Variants in GRIK1 observed in about 807,000 individuals in gnomAD.
GRIK1 encodes the protein glutamate ionotropic receptor kainate type subunit 1.
A neutral mutation model predicts 105.7 loss-of-function variants in GRIK1; 69 were observed. The ratio of observed to expected loss-of-function variants is 0.65; its 90% CI spans 0.54 to 0.80. GRIK1 has a LOEUF of 0.80. GRIK1 is among the 30% of genes least tolerant of loss of function. The pLI is 0.00. For synonymous variants in GRIK1, 438 were observed against 431.3 expected (o/e 1.02, Z -0.19); for missense variants, 1,109 against 1,167.3 (o/e 0.95, Z 0.73).
chr21:29,776,432 T>A (rs2065945223), intron 1 of GRIK1, among the ~76,000 whole-genome samples: 1 of 152,236 alleles, frequency 6.6e-6, no homozygotes, highest in South Asian at 2.1e-4. Context: ...AAAGTTAAGA[T>A]ATACAATGAA....
At chr21:29,591,059 G>A in intron 10 of GRIK1, 53 bp downstream of exon 10, 1 of 964,874 alleles carries the variant, frequency 1.0e-6, no homozygotes, top group East Asian at 2.4e-5. Flanking sequence ...ATGCTTCGAA[G>A]TCTAAGGCAG....
intron 14 of GRIK1, among the ~76,000 whole-genome samples, chr21:29,564,972 A>G (rs932394584): frequency 6.6e-6 from 1 of 152,176 alleles, no homozygotes; most frequent in Non-Finnish European, 1.5e-5. Context: ...AAATTCAACA[A>G]CATCCACATC....
rs1381356497 is a variant in GRIK1, at chr21:29,591,109, T to A, written c.1365+3A>T. On this transcript the variant is annotated splice_donor_region_variant and intron_variant, in intron 10 of 17. Coordinates refer to ENST00000327783, the MANE Select transcript of GRIK1 (RefSeq NM_001330994.2). ...CACCCTCAATTCCATGAAGTCAACT[T>A]ACCAGAATGGTGGTGACAATGAGTG... 1 of 1,506,158 alleles carries A rather than the reference T, an allele frequency of 6.6e-7. No homozygotes were observed. The highest frequency in any genetic ancestry group is 1.4e-5 in the African/African-American group (1 of 72,894). 93.3% of individuals were successfully genotyped at this position (1,506,158 alleles called of 1,614,324 possible).
At chr21:29,754,954 A>G (rs1381447812) in intron 1 of GRIK1, among the ~76,000 whole-genome samples, 1 of 152,126 alleles carries the variant, frequency 6.6e-6, no homozygotes, top group Non-Finnish European at 1.5e-5. Flanking sequence ...CTATATATCT[A>G]AATCTATCTA....
chr21:29,866,057 A>G (rs2068791071), intron 1 of GRIK1, among the ~76,000 whole-genome samples: 1 of 151,982 alleles, frequency 6.6e-6, no homozygotes, highest in South Asian at 2.1e-4. Flanking sequence ...TCAGTACCAA[A>G]AGAGTTTTTA....
At chr21:29,751,580 G>C (rs932976466) in intron 1 of GRIK1, among the ~76,000 whole-genome samples, 3 of 152,114 alleles carry the variant, frequency 2.0e-5, no homozygotes, top group African/African-American at 7.2e-5. Flanking sequence ...TGTAGTCCTG[G>C]GCCCAGGGAG....
intron 1 of GRIK1, among the ~76,000 whole-genome samples, chr21:29,908,210 T>G (rs2070709588): frequency 6.6e-6 from 1 of 150,510 alleles, no homozygotes; most frequent in Non-Finnish European, 1.5e-5. Context: ...CAAATCTTAC[T>G]CTTATAATTT....
chr21:29,886,838 G>T (rs2069649345), intron 1 of GRIK1, among the ~76,000 whole-genome samples: 1 of 152,160 alleles, frequency 6.6e-6, no homozygotes, highest in South Asian at 2.1e-4. Context: ...GAGAAGAACT[G>T]TGAGTTATGA....
chr21:29,916,263 A>G (rs2070993179), intron 1 of GRIK1, among the ~76,000 whole-genome samples: 1 of 151,924 alleles, frequency 6.6e-6, no homozygotes, highest in South Asian at 2.1e-4. Context: ...TAAGAATGAA[A>G]TGAGATTATT....
intron 12 of GRIK1, 60 bp from the exon 13 acceptor site, chr21:29,581,603 A>C (rs2091025209): frequency 6.4e-6 from 6 of 944,420 alleles, no homozygotes; most frequent in Non-Finnish European, 1.0e-5. Context: ...ACACCAGCAA[A>C]ACCAAAACCT....
At position 29,584,110 on chromosome 21, in the gene GRIK1, A is replaced by G. The variant is rs116434814; in HGVS notation, c.1794-2567T>C. 3.9e-3 allele frequency among the ~76,000 whole-genome samples: 590 copies of G among 152,304 alleles called. 3 individuals are homozygous for G. The highest frequency in any genetic ancestry group is 0.013 in the African/African-American group (560 of 41,576). On this transcript the variant is annotated intron_variant, in intron 12 of 17. Coordinates refer to ENST00000327783, the MANE Select transcript of GRIK1 (RefSeq NM_001330994.2). ...GTTTATGTTTGTTTCTGCCTGGCTT[A>G]CACTTGAAGATATAAAACAAGCTCA...
At chr21:29,895,334 T>C (rs1043105525) in intron 1 of GRIK1, among the ~76,000 whole-genome samples, 1 of 152,186 alleles carries the variant, frequency 6.6e-6, no homozygotes, top group African/African-American at 2.4e-5. Flanking sequence ...CTAGGAGGCA[T>C]GTGGATAGGG....
At chr21:29,835,025 A>G (rs1242929660) in intron 1 of GRIK1, among the ~76,000 whole-genome samples, 1 of 151,978 alleles carries the variant, frequency 6.6e-6, no homozygotes, top group African/African-American at 2.4e-5. Context: ...CGTTTCTACT[A>G]TGCTCTTTCT....
chr21:29,594,052 C>T lies in GRIK1; in HGVS notation c.1251+2474G>A, dbSNP rs190203687. Among the ~76,000 whole-genome samples the T allele has an allele frequency of 2.7e-3, 412 of 152,272 alleles. 2 individuals are homozygous for T. The highest frequency in any genetic ancestry group is 2.0e-3 in the Non-Finnish European group (139 of 68,008). The stretch of plus-strand genomic sequence containing the variant: ...TCTACAGAGGGACCTACAGAAGGTC[C>T]TTTAAATGTAGACTAGAAGAGTATC... On this transcript the variant is annotated intron_variant, in intron 9 of 17. Coordinates refer to ENST00000327783, the MANE Select transcript of GRIK1 (RefSeq NM_001330994.2).
At chr21:29,868,127 G>C (rs957032521) in intron 1 of GRIK1, among the ~76,000 whole-genome samples, 1 of 152,116 alleles carries the variant, frequency 6.6e-6, no homozygotes. Context: ...ATGGGAAAAG[G>C]CATCTGAAAA....
At chr21:29,686,377 GAC>G (rs1336512999) in intron 3 of GRIK1, among the ~76,000 whole-genome samples, 1 of 152,156 alleles carries the variant, frequency 6.6e-6, no homozygotes, top group African/African-American at 2.4e-5. Context: ...ACAAAGGACT[GAC>G]ACGTATTGAT....
At chr21:29,695,021 A>G (rs554562874) in intron 1 of GRIK1, among the ~76,000 whole-genome samples, 6 of 151,832 alleles carry the variant, frequency 4.0e-5, no homozygotes, top group Non-Finnish European at 8.8e-5. Context: ...TGTTTAGTCC[A>G]AAGCAAACCT....
At chr21:29,596,632 C>G (rs1242782507) in intron 8 of GRIK1, 62 bp from the exon 9 acceptor site, 3 of 1,173,826 alleles carry the variant, frequency 2.6e-6, no homozygotes, top group Non-Finnish European at 3.8e-6. Context: ...AGCGTGAAAC[C>G]CAGAAGGAAT....
rs543702529 is a variant in GRIK1 at position 29,843,638 on chromosome 21, A to G, written c.118+95745T>C. On this transcript the variant is annotated intron_variant, in intron 1 of 17. Coordinates refer to ENST00000327783, the MANE Select transcript of GRIK1 (RefSeq NM_001330994.2). ...TTTTAGAATTTTGGTTTCTGTTGAAAGCTTCAGCCGACACTGGGGAGAGAG... is the reference window on the plus strand; with the variant it reads ...TTTTAGAATTTTGGTTTCTGTTGAAGGCTTCAGCCGACACTGGGGAGAGAG... 7.6e-4 allele frequency among the ~76,000 whole-genome samples: 115 copies of G among 152,296 alleles called. 1 individual carries two copies. Among genetic ancestry groups the G allele is most frequent in the Non-Finnish European group, 1.3e-4 (9 of 68,028 alleles).
Sources: gnomAD v4.1 joint callset for allele counts (sites outside exome capture counted in the v4.1 genomes callset) on GRCh38, gnomAD v4.1.1 for gene constraint, MANE v1.5 for transcripts, NCBI Gene and HGNC (gene_info 2026-07-23, HGNC 2026-07-21) for gene names.